CSMD1: variants seen among roughly 807,000 people sequenced by gnomAD.
CSMD1 encodes the protein CUB and sushi domain-containing protein 1.
A neutral mutation model predicts 417.5 loss-of-function variants in CSMD1; 213 were observed. That is an observed-to-expected ratio of 0.51 (90% CI 0.46 to 0.57). The LOEUF is 0.57. Among genes scored for constraint, CSMD1 ranks in the 20% least tolerant of loss-of-function variants. The probability of loss-of-function intolerance (pLI) is 0.00; values close to 1 mark genes in which losing one functional copy is unlikely to be tolerated. For missense variants in CSMD1, 6,923 were observed against 4,529.7 expected (o/e 1.53, Z -15.17); for synonymous variants, 2,862 against 1,736.8 (o/e 1.65, Z -16.11).
At chr8:3,123,810 C>T (rs576180367) in intron 41 of CSMD1, among the ~76,000 whole-genome samples, 2 of 152,292 alleles carry the variant, frequency 1.3e-5, no homozygotes, top group Admixed American at 6.5e-5. Flanking sequence ...TCACTTAAAA[C>T]AGCGTTTAAC....
intron 50 of CSMD1, among the ~76,000 whole-genome samples, chr8:3,047,313 C>G (rs1401241729): frequency 6.6e-6 from 1 of 152,034 alleles, no homozygotes; most frequent in African/African-American, 2.4e-5. Flanking sequence ...GAAATTGGTC[C>G]CAGACGATTC....
At chr8:4,203,102 G>C (rs569148221) in intron 3 of CSMD1, among the ~76,000 whole-genome samples, 3 of 152,314 alleles carry the variant, frequency 2.0e-5, no homozygotes, top group South Asian at 4.1e-4. Flanking sequence ...TATCTGTGTG[G>C]GTTCCCTGTT....
At chr8:4,465,573 T>C (rs1194815265) in intron 2 of CSMD1, among the ~76,000 whole-genome samples, 1 of 152,104 alleles carries the variant, frequency 6.6e-6, no homozygotes, top group African/African-American at 2.4e-5. Context: ...GCAATGCCTG[T>C]TTTTCAGCAG....
At chr8:4,167,945 T>C (rs1183176319) in intron 3 of CSMD1, among the ~76,000 whole-genome samples, 2 of 151,988 alleles carry the variant, frequency 1.3e-5, no homozygotes, top group East Asian at 1.9e-4. Context: ...CTGGCCAGCA[T>C]GGTGAAACCC....
At chr8:4,144,235 C>T (rs1364589145) in intron 3 of CSMD1, among the ~76,000 whole-genome samples, 1 of 151,040 alleles carries the variant, frequency 6.6e-6, no homozygotes, top group African/African-American at 2.5e-5. Context: ...TCAGCACAAA[C>T]TGGCCGTAAG....
At position 4,053,713 on chromosome 8, in the gene CSMD1, G is replaced by A. The variant is rs557376953; in HGVS notation, c.416-21614C>T. Among the ~76,000 whole-genome samples the A allele has an allele frequency of 2.3e-4, 35 of 152,160 alleles. No homozygotes were observed. In the South Asian group the frequency reaches 7.1e-3, roughly 31 times the overall value. On this transcript the variant is annotated intron_variant, in intron 3 of 69. Transcript: ENST00000635120. Reference sequence around the variant, plus strand: ...CAAACAGCTCATCATGGCAGTAGGAGGAAAATGCTCCAGAACTGGCTTCTT... The same window carrying A: ...CAAACAGCTCATCATGGCAGTAGGAAGAAAATGCTCCAGAACTGGCTTCTT...
chr8:4,906,629 G>A (rs1805298741), intron 1 of CSMD1, among the ~76,000 whole-genome samples: 1 of 151,476 alleles, frequency 6.6e-6, no homozygotes, highest in Non-Finnish European at 1.5e-5. Flanking sequence ...CACAATCTCA[G>A]CTGTGCAACC....
chr8:4,350,440 G>C (rs926192368), intron 3 of CSMD1, among the ~76,000 whole-genome samples: 1 of 152,150 alleles, frequency 6.6e-6, no homozygotes, highest in Admixed American at 6.5e-5. Context: ...AACCAACCTT[G>C]ATTCACCAAA....
intron 68 of CSMD1, among the ~76,000 whole-genome samples, chr8:2,944,231 C>T (rs531968521): frequency 2.6e-5 from 4 of 152,278 alleles, no homozygotes; most frequent in South Asian, 4.1e-4. Context: ...GGTGTTCCCA[C>T]CCCAGGCACT....
chr8:4,913,790 C>T (rs907256699), intron 1 of CSMD1, among the ~76,000 whole-genome samples: 15 of 152,194 alleles, frequency 9.9e-5, no homozygotes, highest in African/African-American at 3.4e-4. Context: ...CCAAATTGCA[C>T]GCCAACCTTC....
At chr8:3,946,587 C>G (rs79575989) in intron 5 of CSMD1, among the ~76,000 whole-genome samples, 5,877 of 152,136 alleles carry the variant, frequency 0.039, 220 homozygotes, top group East Asian at 0.16. Flanking sequence ...ATAAATGATA[C>G]ATCCTTTTGG....
chr8:3,588,379 C>T (rs1183885521), intron 8 of CSMD1, among the ~76,000 whole-genome samples: 4 of 152,076 alleles, frequency 2.6e-5, no homozygotes, highest in Admixed American at 1.3e-4. Context: ...TGAGAGTCCT[C>T]GGGTAGGAAG....
intron 26 of CSMD1, among the ~76,000 whole-genome samples, chr8:3,261,246 A>T (rs1478102512): frequency 6.6e-6 from 1 of 152,226 alleles, no homozygotes; most frequent in African/African-American, 2.4e-5. Flanking sequence ...GAAAAACAGA[A>T]TCACGTACGC....
At chr8:3,647,224 G>A (rs1209936789) in intron 7 of CSMD1, among the ~76,000 whole-genome samples, 1 of 152,160 alleles carries the variant, frequency 6.6e-6, no homozygotes, top group Non-Finnish European at 1.5e-5. Flanking sequence ...TATCTATGCT[G>A]TGAAACTTCA....
At chr8:4,079,891 G>C (rs1971076) in intron 3 of CSMD1, among the ~76,000 whole-genome samples, 1,875 of 152,214 alleles carry the variant, frequency 0.012, 39 homozygotes, top group African/African-American at 0.041. Flanking sequence ...GGCTGGGGCA[G>C]AAGGGCCATA....
At chr8:4,138,896 A>C (rs1370128859) in intron 3 of CSMD1, among the ~76,000 whole-genome samples, 1 of 152,192 alleles carries the variant, frequency 6.6e-6, no homozygotes, top group South Asian at 2.1e-4. Context: ...TATTTAATAC[A>C]AATAATTTAA....
At chr8:4,440,394 G>A (rs1798399293) in intron 2 of CSMD1, among the ~76,000 whole-genome samples, 1 of 152,092 alleles carries the variant, frequency 6.6e-6, no homozygotes, top group South Asian at 2.1e-4. Context: ...TCAGAGGATT[G>A]CTCTCACTCA....
chr8:3,149,533 A>G (rs139321393), intron 40 of CSMD1, among the ~76,000 whole-genome samples: 72 of 152,286 alleles, frequency 4.7e-4, no homozygotes, highest in African/African-American at 1.6e-3. Flanking sequence ...GCTGGAGCGC[A>G]GTGGCGTGAT....
At chr8:4,846,072 G>C (rs563102537) in intron 1 of CSMD1, among the ~76,000 whole-genome samples, 1 of 152,032 alleles carries the variant, frequency 6.6e-6, no homozygotes, top group Admixed American at 6.6e-5. Flanking sequence ...GTTGTGCTAC[G>C]TCCCAAATCA....
Sources: allele counts gnomAD v4.1 joint callset (sites outside exome capture counted in the v4.1 genomes callset), GRCh38; gene constraint gnomAD v4.1.1; transcripts MANE v1.5; gene names NCBI Gene and HGNC (gene_info 2026-07-23, HGNC 2026-07-21).